SLC35F1: variants seen among roughly 807,000 people sequenced by gnomAD.
SLC35F1 encodes chromosome 6 open reading frame 169.
A neutral mutation model predicts 48.7 loss-of-function variants in SLC35F1; 14 were observed. The ratio of observed to expected loss-of-function variants is 0.29; its 90% CI spans 0.19 to 0.45. SLC35F1 has a LOEUF of 0.45. Among genes scored for constraint, SLC35F1 ranks in the 20% least tolerant of loss-of-function variants. SLC35F1 has a pLI of 1.00. For synonymous variants in SLC35F1, 190 were observed against 202.2 expected, an observed-to-expected ratio of 0.94 and a Z score of 0.51; for missense variants, 404 against 500.0, an observed-to-expected ratio of 0.81 and a Z score of 1.83.
chr6:118,117,949 G>A (rs968097388), intron 1 of SLC35F1, among the ~76,000 whole-genome samples: 1 of 152,050 alleles, frequency 6.6e-6, no homozygotes, highest in African/African-American at 2.4e-5. Flanking sequence ...TTCATGATAC[G>A]AATATAGCAC....
intron 1 of SLC35F1, among the ~76,000 whole-genome samples, chr6:118,119,494 G>GCTC (rs748469646): frequency 1.9e-5 from 1 of 52,192 alleles, no homozygotes; most frequent in Non-Finnish European, 4.1e-5. Context: ...AATAACCGGC[G>GCTC]CCCCCCCTCC....
At chr6:118,167,638 C>A (rs1774338367) in intron 2 of SLC35F1, among the ~76,000 whole-genome samples, 1 of 152,096 alleles carries the variant, frequency 6.6e-6, no homozygotes, top group South Asian at 2.1e-4. Context: ...ATGAATGGTG[C>A]TTGCAAGGCT....
intron 2 of SLC35F1, among the ~76,000 whole-genome samples, chr6:118,184,165 CTAT>C (rs1268246104): frequency 6.6e-6 from 1 of 152,156 alleles, no homozygotes; most frequent in Non-Finnish European, 1.5e-5. Context: ...ATAACATATA[CTAT>C]GAGAGTGTCT....
chr6:117,972,576 TC>T (rs1178024382), intron 1 of SLC35F1, among the ~76,000 whole-genome samples: 16 of 152,264 alleles, frequency 1.1e-4, no homozygotes, highest in Non-Finnish European at 1.9e-4. Flanking sequence ...GGCCTCACAA[TC>T]ATGGCAGAAG....
At chr6:118,085,481 TCTTTCC>T (rs1772974361) in intron 1 of SLC35F1, among the ~76,000 whole-genome samples, 2 of 143,596 alleles carry the variant, frequency 1.4e-5, no homozygotes, top group Admixed American at 7.5e-5. Context: ...TTTTTTTCTT[TCTTTCC>T]TTTTTTTTTT....
At chr6:118,090,900 A>G (rs1773063877) in intron 1 of SLC35F1, among the ~76,000 whole-genome samples, 1 of 152,188 alleles carries the variant, frequency 6.6e-6, no homozygotes. Flanking sequence ...AGACACAAGA[A>G]GATGGTGGGC....
chr6:118,266,852 T>A, intron 3 of SLC35F1, 143 bp from the exon 4 acceptor site: 1 of 774,562 alleles, frequency 1.3e-6, no homozygotes, highest in Non-Finnish European at 2.2e-6. Context: ...CTGTTTTAAG[T>A]ACATCAAGTC....
intron 1 of SLC35F1, among the ~76,000 whole-genome samples, chr6:117,969,318 G>A (rs560257414): frequency 6.6e-6 from 1 of 152,190 alleles, no homozygotes; most frequent in African/African-American, 2.4e-5. Context: ...AACTTTGATA[G>A]GAAGGTATAT....
chr6:118,298,526 A>C (rs1776218984), intron 7 of SLC35F1, among the ~76,000 whole-genome samples: 1 of 152,116 alleles, frequency 6.6e-6, no homozygotes, highest in African/African-American at 2.4e-5. Context: ...CTCCCCAAGA[A>C]TCTTAGGCAG....
At chr6:118,259,902 C>A (rs1025022726) in intron 3 of SLC35F1, among the ~76,000 whole-genome samples, 1 of 152,050 alleles carries the variant, frequency 6.6e-6, no homozygotes, top group Admixed American at 6.6e-5. Flanking sequence ...CCCACATGTT[C>A]CTCATAAAAG....
At chr6:118,012,862 T>C (rs990150167) in intron 1 of SLC35F1, among the ~76,000 whole-genome samples, 1 of 152,180 alleles carries the variant, frequency 6.6e-6, no homozygotes, top group Middle Eastern at 3.2e-3. Flanking sequence ...CCAAGCAACA[T>C]CTTTTGCCAA....
At chr6:118,090,088 A>G (rs1356086898) in intron 1 of SLC35F1, among the ~76,000 whole-genome samples, 1 of 152,236 alleles carries the variant, frequency 6.6e-6, no homozygotes, top group Non-Finnish European at 1.5e-5. Context: ...AGATGTCAAG[A>G]TAATTATAAA....
intron 1 of SLC35F1, among the ~76,000 whole-genome samples, chr6:118,116,909 C>T (rs894081251): frequency 5.9e-5 from 9 of 152,118 alleles, no homozygotes; most frequent in African/African-American, 2.2e-4. Flanking sequence ...TAGCCAATGC[C>T]GAGATAACAT....
At chr6:117,917,105 T>C (rs1251055429) in intron 1 of SLC35F1, among the ~76,000 whole-genome samples, 2 of 152,176 alleles carry the variant, frequency 1.3e-5, no homozygotes, top group Non-Finnish European at 2.9e-5. Context: ...CAGGCCTCTC[T>C]CTCTCTCTCT....
intron 1 of SLC35F1, among the ~76,000 whole-genome samples, chr6:118,067,142 G>A (rs1219383011): frequency 6.6e-6 from 1 of 152,136 alleles, no homozygotes; most frequent in Non-Finnish European, 1.5e-5. Context: ...AGATAAGGGT[G>A]AAAAAGAATC....
chr6:118,197,470 G>T (rs937427472), intron 2 of SLC35F1, among the ~76,000 whole-genome samples: 1 of 152,204 alleles, frequency 6.6e-6, no homozygotes, highest in Non-Finnish European at 1.5e-5. Flanking sequence ...ATCTGGTTTA[G>T]AAAGTACAGA....
intron 2 of SLC35F1, among the ~76,000 whole-genome samples, chr6:118,177,858 T>C (rs1321673849): frequency 6.6e-6 from 1 of 152,088 alleles, no homozygotes; most frequent in Admixed American, 6.6e-5. Flanking sequence ...TGTTTTCCAT[T>C]GTAGTGGTCA....
chr6:118,127,088 G>T (rs1773637722), intron 1 of SLC35F1, among the ~76,000 whole-genome samples: 1 of 149,948 alleles, frequency 6.7e-6, no homozygotes, highest in Non-Finnish European at 1.5e-5. Context: ...TCCAGTTTTT[G>T]CCCATTCAGT....
intron 2 of SLC35F1, among the ~76,000 whole-genome samples, chr6:118,182,519 A>AGAAAGGAAGGAAG (rs1774594355): frequency 1.9e-5 from 2 of 106,310 alleles, no homozygotes; most frequent in South Asian, 8.7e-4. Context: ...AGAGAGAGAG[A>AGAAAGGAAGGAAG]GAAGGAAGGA....
Sources: gnomAD v4.1 joint callset for allele counts (sites outside exome capture counted in the v4.1 genomes callset) on GRCh38, gnomAD v4.1.1 for gene constraint, MANE v1.5 for transcripts, NCBI Gene and HGNC (gene_info 2026-07-23, HGNC 2026-07-21) for gene names.